The following COL12A1 variants were observed in gnomAD, a reference collection of about 807,000 sequenced individuals.
The protein encoded by COL12A1 is collagen type XII alpha 1 chain, also known as collagen alpha-1(XII) chain.
Under a neutral mutation model 349.7 loss-of-function variants are expected in COL12A1, and 114 were observed. That is an observed-to-expected ratio of 0.33 (90% confidence interval 0.28 to 0.38). The LOEUF (loss-of-function observed/expected upper bound fraction) is 0.38, where lower values mean the gene tolerates loss of function less well. COL12A1 is among the 10% of genes least tolerant of loss of function. The probability of loss-of-function intolerance (pLI) is 1.00; values close to 1 mark genes in which losing one functional copy is unlikely to be tolerated. For missense variants in COL12A1, 3,284 were observed against 3,756.9 expected, an observed-to-expected ratio of 0.87 and a Z score of 3.29; for synonymous variants, 1,369 against 1,329.0, an observed-to-expected ratio of 1.03 and a Z score of -0.66.
intron 11 of COL12A1, 95 bp from the exon 12 acceptor site, chr6:75,178,030 A>C: frequency 8.6e-7 from 1 of 1,167,226 alleles, no homozygotes; most frequent in African/African-American, 1.6e-5. Flanking sequence ...AAATTATACC[A>C]TTTCTCTAAA....
chr6:75,126,122 C>T (rs1432458009), intron 39 of COL12A1, among the ~76,000 whole-genome samples: 4 of 152,066 alleles, frequency 2.6e-5, no homozygotes, highest in Admixed American at 2.6e-4. Flanking sequence ...CCAAGTCAAA[C>T]TTTTTAATCA....
chr6:75,174,549 C>G lies in COL12A1; in HGVS notation c.2710+489G>C, dbSNP rs1768816868. On this transcript the variant is annotated intron_variant, in intron 13 of 65. Coordinates refer to ENST00000322507, the MANE Select transcript of COL12A1 (RefSeq NM_004370.6). ...CCAGCCTGGGCGAAAGAGCGAGACT[C>G]TGTCTCACAAAAAAAAAGAAACTTG... Among the ~76,000 whole-genome samples, 9 of 152,046 alleles carry G rather than the reference C, an allele frequency of 5.9e-5. No homozygotes were observed. The South Asian group carries it at 1.9e-3, about 32-fold the overall frequency.
At chr6:75,189,883 T>C (rs1433142543) in intron 5 of COL12A1, 68 bp from the exon 6 acceptor site, 1 of 1,531,190 alleles carries the variant, frequency 6.5e-7, no homozygotes, top group Admixed American at 2.0e-5. Context: ...ATGTTAACAT[T>C]GCAAAAATGT....
intron 26 of COL12A1, among the ~76,000 whole-genome samples, 196 bp from the exon 27 acceptor site, chr6:75,142,357 A>G (rs1412379396): frequency 1.3e-5 from 2 of 152,228 alleles, no homozygotes; most frequent in African/African-American, 2.4e-5. Flanking sequence ...TGTATGTACT[A>G]GATCATATGG....
At chr6:75,122,987 A>G (rs1032088318) in intron 43 of COL12A1, among the ~76,000 whole-genome samples, 1 of 152,248 alleles carries the variant, frequency 6.6e-6, no homozygotes, top group African/African-American at 2.4e-5. Context: ...TCGCAAATAT[A>G]GCCAAAAGGG....
At position 75,085,965 on chromosome 6, in the gene COL12A1, G is replaced by C. The variant is rs1225553288; in HGVS notation, c.*582C>G. ...TACAAAACCCAAATGAGAGGACACG[G>C]ACAAAAAAGTAACAAAAAGACAGAT... is the stretch of plus-strand genomic sequence containing the variant. On this transcript the variant is annotated 3_prime_UTR_variant, in exon 66 of 66. Coordinates refer to ENST00000322507, the MANE Select transcript of COL12A1 (RefSeq NM_004370.6). 6.5e-6 allele frequency: 1 copy of C among 153,118 alleles called. No individual in the cohort carries two copies. Among genetic ancestry groups the C allele is most frequent in the Non-Finnish European group, 1.5e-5 (1 of 68,470 alleles). The allele number at this position is 153,118 out of a possible 1,614,324, so 9.5% of individuals were successfully genotyped here. A position where few individuals can be genotyped will look rare whatever the true frequency, so the allele number is the denominator to read the frequency against.
chr6:75,087,524 G>T, intron 65 of COL12A1, 53 bp downstream of exon 65: 1 of 1,584,026 alleles, frequency 6.3e-7, no homozygotes. Context: ...CTTCATTTCC[G>T]TAAAGTTCTT....
intron 11 of COL12A1, 35 bp from the exon 12 acceptor site, chr6:75,177,970 T>A: frequency 6.5e-7 from 1 of 1,548,518 alleles, no homozygotes. Context: ...TTTTAAACCA[T>A]AAATTGACTG....
chr6:75,173,385 T>G (rs183511838), intron 13 of COL12A1, among the ~76,000 whole-genome samples: 86 of 152,320 alleles, frequency 5.6e-4, no homozygotes, highest in Non-Finnish European at 9.6e-4. Flanking sequence ...ATTATTATTT[T>G]TTTTTTTTGA....
At chr6:75,204,383 G>T (rs1424654336) in intron 1 of COL12A1, among the ~76,000 whole-genome samples, 1 of 152,048 alleles carries the variant, frequency 6.6e-6, no homozygotes, top group Non-Finnish European at 1.5e-5. Flanking sequence ...GAAAACCTGA[G>T]TGGTAACACT....
Position 75,183,256 on chromosome 6 carries a change from A to T in COL12A1, c.1685T>A (p.Ile562Lys), listed in dbSNP as rs749549140. ...KSSDAFRDPA[I>K]KLRNSDVEIF... Reference sequence around the variant, plus strand: ...TTCAACATCTGAATTCCTCAGTTTTATCGCAGGATCTCTGAAAGCATCTGA... The same window carrying T: ...TTCAACATCTGAATTCCTCAGTTTTTTCGCAGGATCTCTGAAAGCATCTGA... The change falls in exon 10 of 66, where the codon ATA (isoleucine) becomes AAA (lysine). Residue 562 changes from isoleucine (I) to lysine (K), a missense_variant. Physicochemically the swap from Ile to Lys is moderately radical, Grantham distance 102. This residue lies in a region of COL12A1 where 2,601 missense variants were observed against 2,824.8 expected (regional missense o/e 0.92). Transcript: ENST00000322507. 6 of 1,614,210 alleles carry T rather than the reference A, an allele frequency of 3.7e-6. No individual in the cohort carries two copies. The African/African-American group carries it at 5.3e-5, about 14-fold the overall frequency.
chr6:75,158,083 A>G (rs1335042671), intron 14 of COL12A1, among the ~76,000 whole-genome samples: 1 of 152,208 alleles, frequency 6.6e-6, no homozygotes, highest in East Asian at 1.9e-4. Context: ...AAAATCTGAC[A>G]TCTAATAAAA....
Position 75,152,219 on chromosome 6 carries a change from T to C in COL12A1, c.3747A>G (p.Thr1249=). Residue 1249 remains threonine (T), a synonymous_variant, in exon 19 of 66, where the codon ACA becomes ACG. Coordinates refer to ENST00000322507, the MANE Select transcript of COL12A1 (RefSeq NM_004370.6). Reference sequence around the variant, plus strand: ...CTCTGTGTGCATTTAACTGCCACTCTGTTCTGGGATCCCCACTATACTGAG... The same window carrying C: ...CTCTGTGTGCATTTAACTGCCACTCCGTTCTGGGATCCCCACTATACTGAG... The part of the protein sequence containing the change: ...ALAQYSGDPR[T]EWQLNAHRDK... 1 of 1,613,814 alleles carries C rather than the reference T, an allele frequency of 6.2e-7. No homozygotes were observed. Among genetic ancestry groups the C allele is most frequent in the Non-Finnish European group, 8.5e-7 (1 of 1,179,806 alleles).
At chr6:75,162,310 A>G (rs1443458466) in intron 14 of COL12A1, among the ~76,000 whole-genome samples, 1 of 152,182 alleles carries the variant, frequency 6.6e-6, no homozygotes, top group Non-Finnish European at 1.5e-5. Context: ...GTAAAGTGCA[A>G]TAAATAGACC....
chr6:75,188,080 A>C (rs1769727525), intron 8 of COL12A1, among the ~76,000 whole-genome samples: 1 of 152,160 alleles, frequency 6.6e-6, no homozygotes, highest in Non-Finnish European at 1.5e-5. Flanking sequence ...CATTCAATGT[A>C]CACAAAAGAG....
Position 75,089,275 on chromosome 6 carries a change from TA to T in COL12A1, c.8942-102del. 5 of 858,428 alleles carry T rather than the reference TA, an allele frequency of 5.8e-6. No individual in the cohort carries two copies. In the East Asian group the frequency reaches 1.5e-4, roughly 25 times the overall value. 53.2% of individuals were successfully genotyped at this position (858,428 alleles called of 1,614,324 possible). ...ATTTGATTCAAGTAATTCATTTCCT[TA>T]GTGAAAGCAGAACCTAATTTTTCAC... On this transcript the variant is annotated intron_variant, in intron 63 of 65. Coordinates refer to ENST00000322507, the MANE Select transcript of COL12A1 (RefSeq NM_004370.6).
Position 75,090,601 on chromosome 6 carries a change from A to G in COL12A1, c.8753-303T>C, listed in dbSNP as rs1450539899. On this transcript the variant is annotated intron_variant, in intron 62 of 65. Coordinates refer to ENST00000322507, the MANE Select transcript of COL12A1 (RefSeq NM_004370.6). The surrounding 1 kb of genome is among the most constrained non-coding windows in gnomAD (Gnocchi z 4.1). ...ATAAAGTCTTGAGATTTACCAGGTG[A>G]CATCACTCAAAAGAAAACCTTTTTT... Among the ~76,000 whole-genome samples, 1 of 152,248 alleles carries G rather than the reference A, an allele frequency of 6.6e-6. No individual in the cohort carries two copies. Among genetic ancestry groups the G allele is most frequent in the African/African-American group, 2.4e-5 (1 of 41,458 alleles).
chr6:75,121,538 G>A (rs1270061041), intron 43 of COL12A1, 97 bp from the exon 44 acceptor site: 31 of 1,356,518 alleles, frequency 2.3e-5, no homozygotes, highest in East Asian at 4.9e-5. Context: ...ACCTTGCTAC[G>A]CAAAGTGTGG....
chr6:75,117,598 T>C (rs1430207739), intron 46 of COL12A1, 52 bp from the exon 47 acceptor site: 3 of 1,565,558 alleles, frequency 1.9e-6, no homozygotes, highest in Non-Finnish European at 2.6e-6. Flanking sequence ...TCTGTCCTTG[T>C]TGTTAGAACA....
Sources: gnomAD v4.1 joint callset for allele counts (sites outside exome capture counted in the v4.1 genomes callset) on GRCh38, gnomAD v4.1.1 for gene constraint, gnomAD v4.1.1 regional missense constraint, Gnocchi (gnomAD v3.1) non-coding constraint, MANE v1.5 for transcripts, NCBI Gene and HGNC (gene_info 2026-07-23, HGNC 2026-07-21) for gene names.